Variants in SPOPL observed in about 807,000 individuals in gnomAD.
The protein encoded by SPOPL is speckle type BTB/POZ protein like.
In SPOPL, 23 loss-of-function variants were observed where a neutral mutation model predicts 53.8. The observed-to-expected ratio is 0.43, with a 90% CI of 0.31 to 0.61. SPOPL has a LOEUF of 0.61. Ranked by LOEUF, SPOPL falls within the 20% of genes least tolerant of loss-of-function variation. SPOPL has a pLI of 0.12. For synonymous variants in SPOPL, 164 were observed against 149.7 expected, an observed-to-expected ratio of 1.10 and a Z score of -0.70; for missense variants, 442 against 466.9, an observed-to-expected ratio of 0.95 and a Z score of 0.49.
At chr2:138,539,157 C>A (rs1573890312) in intron 1 of SPOPL, among the ~76,000 whole-genome samples, 1 of 152,188 alleles carries the variant, frequency 6.6e-6, no homozygotes, top group African/African-American at 2.4e-5. Flanking sequence ...CATTGTTGGA[C>A]ATTTGGGTTG....
intron 1 of SPOPL, among the ~76,000 whole-genome samples, chr2:138,549,340 T>C (rs746321071): frequency 1.3e-5 from 2 of 152,144 alleles, no homozygotes; most frequent in Non-Finnish European, 2.9e-5. Context: ...TGTGGTAGCA[T>C]AGGGTTCTGC....
At position 138,547,256 on chromosome 2, in the gene SPOPL, G is replaced by A. The variant is rs186892736; in HGVS notation, c.-60-2901G>A. ...GCTGGGATTACAGGCGTGAGCCACC[G>A]TGCCTGACTGTAGTTTGCTTTTATA... On this transcript the variant is annotated intron_variant, in intron 1 of 10. Transcript: ENST00000280098. Among the ~76,000 whole-genome samples, 8 of 152,268 alleles carry A rather than the reference G, an allele frequency of 5.3e-5. No homozygotes were observed. The South Asian group carries it at 6.2e-4, about 12-fold the overall frequency.
intron 1 of SPOPL, among the ~76,000 whole-genome samples, chr2:138,545,231 G>T (rs928054225): frequency 3.9e-5 from 6 of 152,010 alleles, no homozygotes; most frequent in South Asian, 2.1e-4. Flanking sequence ...GCTCTCTTTG[G>T]TACCAGCACC....
intron 1 of SPOPL, among the ~76,000 whole-genome samples, chr2:138,523,064 T>G (rs1027788083): frequency 6.6e-6 from 1 of 152,192 alleles, no homozygotes; most frequent in African/African-American, 2.4e-5. Flanking sequence ...TGAAGTAGAC[T>G]AATGAGGGTG....
In SPOPL at chr2:138,564,856, C is replaced by T; in HGVS notation, c.980+6C>T. 1 of 1,614,002 alleles carries T rather than the reference C, an allele frequency of 6.2e-7. No individual in the cohort carries two copies. The highest frequency in any genetic ancestry group is 8.5e-7 in the Non-Finnish European group (1 of 1,179,918). ...GCCATAGACTTTATTAATAGGTAAG[C>T]TATGCTTGTATTTCAGTGGGCATGA... is the stretch of plus-strand genomic sequence containing the variant. On this transcript the variant is annotated splice_donor_region_variant and intron_variant, in intron 9 of 10. Transcript: ENST00000280098.
Position 138,512,150 on chromosome 2 carries a change from T to C in SPOPL, c.-61+10031T>C, listed in dbSNP as rs1436755291. On this transcript the variant is annotated intron_variant, in intron 1 of 10. Coordinates refer to ENST00000280098, the MANE Select transcript of SPOPL (RefSeq NM_001001664.3). ...CCTTATCAAATGGTTCATTGATATT[T>C]TGTGCACATAATGAATATTAAAATT... 2.6e-5 allele frequency among the ~76,000 whole-genome samples: 4 copies of C among 152,324 alleles called. No homozygotes were observed. In the East Asian group the frequency reaches 7.7e-4, roughly 29 times the overall value.
At chr2:138,561,216 A>C (rs906200837) in intron 8 of SPOPL, among the ~76,000 whole-genome samples, 1 of 152,198 alleles carries the variant, frequency 6.6e-6, no homozygotes, top group African/African-American at 2.4e-5. Flanking sequence ...ACACAGTGAC[A>C]TATATAATTT....
chr2:138,567,075 A>G (rs1319277171), intron 10 of SPOPL, among the ~76,000 whole-genome samples: 2 of 152,212 alleles, frequency 1.3e-5, no homozygotes, highest in African/African-American at 4.8e-5. Flanking sequence ...CACAGTGCAC[A>G]GTATAGAGAA....
At chr2:138,555,046 C>T (rs560936849) in intron 5 of SPOPL, among the ~76,000 whole-genome samples, 1 of 151,934 alleles carries the variant, frequency 6.6e-6, no homozygotes, top group South Asian at 2.1e-4. Context: ...CTTTTTCTCA[C>T]ATCATAACAT....
At chr2:138,532,663 C>T (rs1472392269) in intron 1 of SPOPL, among the ~76,000 whole-genome samples, 23 of 144,532 alleles carry the variant, frequency 1.6e-4, no homozygotes, top group African/African-American at 3.6e-4. Flanking sequence ...AGGATGGTCT[C>T]GATCTCCTGA....
At chr2:138,503,764 G>C (rs2104849832) in intron 1 of SPOPL, among the ~76,000 whole-genome samples, 1 of 152,272 alleles carries the variant, frequency 6.6e-6, no homozygotes, top group Non-Finnish European at 1.5e-5. Context: ...ACTGGAAAAT[G>C]AGATTTTACA....
At chr2:138,505,254 A>G (rs1002536938) in intron 1 of SPOPL, among the ~76,000 whole-genome samples, 2 of 152,198 alleles carry the variant, frequency 1.3e-5, no homozygotes, top group African/African-American at 2.4e-5. Flanking sequence ...TACTTCATCA[A>G]AAGTCTTATG....
intron 1 of SPOPL, among the ~76,000 whole-genome samples, chr2:138,521,347 A>G (rs1009331952): frequency 2.7e-5 from 4 of 150,628 alleles, no homozygotes; most frequent in Non-Finnish European, 5.9e-5. Flanking sequence ...CAAGTATCTC[A>G]GCACGTGGAC....
intron 1 of SPOPL, among the ~76,000 whole-genome samples, chr2:138,525,851 A>G (rs2104868473): frequency 6.6e-6 from 1 of 151,422 alleles, no homozygotes; most frequent in Admixed American, 6.6e-5. Flanking sequence ...AAAAAAAAAA[A>G]GTTGTAATTG....
intron 1 of SPOPL, among the ~76,000 whole-genome samples, chr2:138,544,707 T>C (rs1685153866): frequency 6.6e-6 from 1 of 152,238 alleles, no homozygotes; most frequent in South Asian, 2.1e-4. Context: ...CTCGCTCTGC[T>C]TCGGCTCATG....
chr2:138,558,281 T>G (rs1316456869), intron 5 of SPOPL, among the ~76,000 whole-genome samples: 4 of 152,216 alleles, frequency 2.6e-5, no homozygotes, highest in Non-Finnish European at 1.5e-5. Context: ...CCATATTATA[T>G]TGGAATCTCC....
chr2:138,556,788 G>A (rs1331788020), intron 5 of SPOPL, among the ~76,000 whole-genome samples: 1 of 152,056 alleles, frequency 6.6e-6, no homozygotes, highest in Non-Finnish European at 1.5e-5. Context: ...TGTAATAAAT[G>A]CTTATTGGTC....
chr2:138,548,352 A>G (rs914560293), intron 1 of SPOPL, among the ~76,000 whole-genome samples: 5 of 151,160 alleles, frequency 3.3e-5, no homozygotes, highest in Non-Finnish European at 7.4e-5. Flanking sequence ...CAGAAAACAT[A>G]TAAATGCTTT....
At chr2:138,552,467 T>C in intron 4 of SPOPL, 87 bp from the exon 5 acceptor site, 2 of 1,454,692 alleles carry the variant, frequency 1.4e-6, no homozygotes, top group Admixed American at 4.8e-5. Context: ...AAGTCCTGTT[T>C]TCACACATTT....
Sources: gnomAD v4.1 joint callset for allele counts (sites outside exome capture counted in the v4.1 genomes callset) on GRCh38, gnomAD v4.1.1 for gene constraint, MANE v1.5 for transcripts, NCBI Gene and HGNC (gene_info 2026-07-23, HGNC 2026-07-21) for gene names.